SLC36A1: variants seen among roughly 807,000 people sequenced by gnomAD.
The protein encoded by SLC36A1 is proton-coupled amino acid transporter 1.
SLC36A1 carries 30 observed loss-of-function variants against 47.5 expected under a neutral mutation model. The ratio of observed to expected loss-of-function variants is 0.63; its 90% CI spans 0.47 to 0.86. The LOEUF (loss-of-function observed/expected upper bound fraction) is 0.86. Ranked by LOEUF, SLC36A1 falls within the 40% of genes least tolerant of loss-of-function variation. SLC36A1 has a pLI of 0.00. For synonymous variants in SLC36A1, 255 were observed against 249.7 expected (o/e 1.02, Z -0.20); for missense variants, 517 against 606.0 (o/e 0.85, Z 1.54).
At chr5:151,370,385 A>G in the SLC36A1 span, among the ~76,000 whole-genome samples, 2 of 150,840 alleles carry the variant, frequency 1.3e-5, no homozygotes, top group Non-Finnish European at 2.9e-5. Flanking sequence ...ATGATACCAC[A>G]TTAGAATTTC....
chr5:151,397,146 C>T, the SLC36A1 span, among the ~76,000 whole-genome samples: 4 of 152,186 alleles, frequency 2.6e-5, no homozygotes, highest in Middle Eastern at 3.2e-3. Flanking sequence ...CTTTCATTCC[C>T]GATACTGCAC....
the SLC36A1 span, among the ~76,000 whole-genome samples, chr5:151,376,127 G>A: frequency 5.9e-5 from 9 of 152,078 alleles, no homozygotes; most frequent in Admixed American, 2.6e-4. Context: ...ATTGGCCATG[G>A]GTTTGTTGTA....
chr5:151,395,775 A>G, the SLC36A1 span, among the ~76,000 whole-genome samples: 2 of 152,216 alleles, frequency 1.3e-5, no homozygotes, highest in South Asian at 2.1e-4. Flanking sequence ...CATAGGAAAC[A>G]CTCAGTGAAT....
downstream of SLC36A1, chr5:151,492,509 A>G (rs1581243696): frequency 6.6e-6 from 1 of 151,432 alleles, no homozygotes; most frequent in East Asian, 1.9e-4. Context: ...CAGTAGACCC[A>G]TCCATGGAAT....
the SLC36A1 span, among the ~76,000 whole-genome samples, chr5:151,424,086 G>A: frequency 6.6e-6 from 1 of 152,186 alleles, no homozygotes; most frequent in East Asian, 1.9e-4. Context: ...ACATGAATGG[G>A]CAATAAGACA....
rs1439884087 is a variant in SLC36A1, at chr5:151,479,438, T to G, written c.1108T>G (p.Cys370Gly). 1 of 1,614,136 alleles carries G rather than the reference T, an allele frequency of 6.2e-7. No homozygotes were observed. The highest frequency in any genetic ancestry group is 1.1e-5 in the South Asian group (1 of 91,082). ...CTTTGTGTCCCGAGCGCCCGAGCAC[T>G]GTGAGTTAGTGGTGGACCTGTTTGT... is the stretch of plus-strand genomic sequence containing the variant. Reference protein sequence around the residue: ...PFFVSRAPEHCELVVDLFVRT... With the variant: ...PFFVSRAPEHGELVVDLFVRT... Residue 370 changes from cysteine to glycine, a missense_variant, in exon 10 of 11, where the codon TGT becomes GGT. Physicochemically the swap from Cys to Gly is radical, Grantham distance 159. Coordinates refer to ENST00000243389, the MANE Select transcript of SLC36A1 (RefSeq NM_078483.4).
chr5:151,549,807 T>C, the SLC36A1 span, among the ~76,000 whole-genome samples: 1 of 152,180 alleles, frequency 6.6e-6, no homozygotes, highest in African/African-American at 2.4e-5. Context: ...TTCTTCAAGA[T>C]GTTAACATGT....
chr5:151,508,174 T>C, the SLC36A1 span, among the ~76,000 whole-genome samples: 1,872 of 152,328 alleles, frequency 0.012, 40 homozygotes, highest in African/African-American at 0.043. Context: ...TGGCCAGCTT[T>C]ATCCACTTTT....
the SLC36A1 span, chr5:151,553,495 C>G: frequency 4.3e-6 from 4 of 923,266 alleles, no homozygotes; most frequent in Middle Eastern, 3.2e-4. Flanking sequence ...AAGCAGGCCT[C>G]TCATCCAGTC....
chr5:151,493,207 TCTCA>T (rs1398726656), downstream of SLC36A1, among the ~76,000 whole-genome samples: 2 of 152,172 alleles, frequency 1.3e-5, no homozygotes, highest in African/African-American at 4.8e-5. Context: ...ATGTTTATTC[TCTCA>T]CTCAATACAT....
intron 7 of SLC36A1, among the ~76,000 whole-genome samples, chr5:151,468,414 G>A (rs1468744836): frequency 2.1e-5 from 3 of 143,246 alleles, no homozygotes; most frequent in Non-Finnish European, 3.0e-5. Context: ...ATTATATAAT[G>A]TATGTAATAT....
the SLC36A1 span, among the ~76,000 whole-genome samples, chr5:151,377,643 G>A: frequency 3.9e-5 from 6 of 152,194 alleles, no homozygotes; most frequent in South Asian, 4.1e-4. Context: ...CACCGCGCCC[G>A]GCCTGCTGTC....
chr5:151,505,433 G>A, the SLC36A1 span: 1 of 1,104,592 alleles, frequency 9.1e-7, no homozygotes, highest in Non-Finnish European at 1.3e-6. Context: ...CACATTTCAA[G>A]GGACAACAGC....
chr5:151,390,981 CT>C, the SLC36A1 span, among the ~76,000 whole-genome samples: 1 of 151,746 alleles, frequency 6.6e-6, no homozygotes, highest in African/African-American at 2.4e-5. Context: ...GGCACTGAAT[CT>C]ATAAATTACC....
chr5:151,356,993 G>A, the SLC36A1 span, among the ~76,000 whole-genome samples: 1 of 152,174 alleles, frequency 6.6e-6, no homozygotes, highest in African/African-American at 2.4e-5. Context: ...GACTATGCAG[G>A]TCCCCAAGCA....
chr5:151,474,883 T>C (rs1757829663), intron 8 of SLC36A1, among the ~76,000 whole-genome samples: 1 of 152,274 alleles, frequency 6.6e-6, no homozygotes, highest in Non-Finnish European at 1.5e-5. Context: ...TTTCTCTTTT[T>C]TGATTTCCGA....
At chr5:151,374,820 G>A in the SLC36A1 span, among the ~76,000 whole-genome samples, 2 of 151,772 alleles carry the variant, frequency 1.3e-5, no homozygotes, top group Admixed American at 1.3e-4. Flanking sequence ...GCATTTCTCT[G>A]ATGATTAGTG....
At position 151,478,729 on chromosome 5, in the gene SLC36A1, G is replaced by C. The variant is rs553444195; in HGVS notation, c.990-591G>C. 1.1e-4 allele frequency among the ~76,000 whole-genome samples: 16 copies of C among 152,272 alleles called. No homozygotes were observed. In the East Asian group the frequency reaches 2.5e-3, roughly 24 times the overall value. On this transcript the variant is annotated intron_variant, in intron 9 of 10. Transcript: ENST00000243389. ...CAATTTTACAATTTCCCATTTCAGA[G>C]GCAACCATATTCCCAGTTTCTTTTT...
chr5:151,357,954 A>C, the SLC36A1 span, among the ~76,000 whole-genome samples: 1 of 152,230 alleles, frequency 6.6e-6, no homozygotes, highest in Non-Finnish European at 1.5e-5. Flanking sequence ...CCAAGACCAG[A>C]ATAGGTTCAG....
Sources: allele counts gnomAD v4.1 joint callset (sites outside exome capture counted in the v4.1 genomes callset), GRCh38; gene constraint gnomAD v4.1.1; transcripts MANE v1.5; gene names NCBI Gene and HGNC (gene_info 2026-07-23, HGNC 2026-07-21).